The following ZNF804B variants were observed in gnomAD, a reference collection of about 807,000 sequenced individuals.
ZNF804B encodes the protein zinc finger 804B.
A neutral mutation model predicts 101.4 loss-of-function variants in ZNF804B; 80 were observed. That is an observed-to-expected ratio of 0.79 (90% CI 0.66 to 0.95). The LOEUF is 0.95. Ranked by LOEUF, ZNF804B falls within the 40% of genes least tolerant of loss-of-function variation. The pLI is 0.00. For missense variants in ZNF804B, 1,673 were observed against 1,561.9 expected (o/e 1.07, Z -1.20); for synonymous variants, 622 against 558.8 (o/e 1.11, Z -1.59).
At chr7:88,966,123 C>T (rs1167054690) in intron 1 of ZNF804B, among the ~76,000 whole-genome samples, 1 of 151,448 alleles carries the variant, frequency 6.6e-6, no homozygotes, top group Non-Finnish European at 1.5e-5. Context: ...CAGTAGCCCA[C>T]ATCTTTCCAG....
At chr7:88,819,020 A>G (rs1440713961) in intron 1 of ZNF804B, among the ~76,000 whole-genome samples, 1 of 152,218 alleles carries the variant, frequency 6.6e-6, no homozygotes, top group East Asian at 1.9e-4. Context: ...AAAAATACAG[A>G]TTATTTAAAT....
intron 1 of ZNF804B, among the ~76,000 whole-genome samples, chr7:88,907,039 T>C (rs1046866482): frequency 6.6e-6 from 1 of 152,186 alleles, no homozygotes. Flanking sequence ...TTTTATCTGA[T>C]ATAAGAATAG....
chr7:89,134,239 G>C (rs1790596631), intron 1 of ZNF804B, among the ~76,000 whole-genome samples: 1 of 152,056 alleles, frequency 6.6e-6, no homozygotes, highest in Admixed American at 6.6e-5. Context: ...GACTTTATCT[G>C]CTAAGTAACC....
At chr7:89,102,240 A>G (rs1049024858) in intron 1 of ZNF804B, among the ~76,000 whole-genome samples, 2 of 152,086 alleles carry the variant, frequency 1.3e-5, no homozygotes, top group Admixed American at 1.3e-4. Flanking sequence ...GTTCTTTGAG[A>G]TATTTCCAAA....
intron 1 of ZNF804B, among the ~76,000 whole-genome samples, chr7:89,142,464 G>T (rs746381499): frequency 6.6e-6 from 1 of 151,904 alleles, no homozygotes; most frequent in African/African-American, 2.4e-5. Flanking sequence ...TTTGCTCTTG[G>T]CAGATGTGGT....
chr7:89,221,258 G>T (rs73208840), intron 2 of ZNF804B, among the ~76,000 whole-genome samples: 1 of 151,806 alleles, frequency 6.6e-6, no homozygotes, highest in Non-Finnish European at 1.5e-5. Flanking sequence ...GATAGATTAC[G>T]TCTGTAAAGA....
At chr7:88,877,015 TATATATATATA>T (rs1314354720) in intron 1 of ZNF804B, among the ~76,000 whole-genome samples, 18 of 77,300 alleles carry the variant, frequency 2.3e-4, no homozygotes, top group African/African-American at 1.2e-3. Flanking sequence ...AAAATATATA[TATATATATATA>T]ATATATATAT....
At chr7:89,145,795 G>A (rs1584013970) in intron 1 of ZNF804B, among the ~76,000 whole-genome samples, 1 of 151,864 alleles carries the variant, frequency 6.6e-6, no homozygotes, top group African/African-American at 2.4e-5. Context: ...TTCTGGATCA[G>A]TGCACTAATC....
At position 89,333,906 on chromosome 7, in the gene ZNF804B, C is replaced by T. The variant is rs1028974235; in HGVS notation, c.924C>T (p.Asp308=). Residue 308 remains aspartate, a synonymous_variant, in exon 4 of 4, where the codon GAC becomes GAT. Transcript: ENST00000333190. ...INSKILQDKH[D]SIDETLEDSI... ...CTAAAATTTTGCAAGACAAACACGA[C>T]TCTATTGATGAGACACTAGAAGATT... 6.2e-7 allele frequency: 1 copy of T among 1,613,556 alleles called. No homozygotes were observed. Among genetic ancestry groups the T allele is most frequent in the East Asian group, 2.2e-5 (1 of 44,862 alleles).
intron 1 of ZNF804B, among the ~76,000 whole-genome samples, chr7:88,843,292 A>G (rs1357224930): frequency 1.3e-5 from 2 of 152,158 alleles, no homozygotes; most frequent in Non-Finnish European, 2.9e-5. Flanking sequence ...TAATATTCTC[A>G]TTTTATACAT....
At chr7:89,103,053 T>TTTTTTTTTTTTTTTTTTTTG in intron 1 of ZNF804B, among the ~76,000 whole-genome samples, 2 of 39,350 alleles carry the variant, frequency 5.1e-5, no homozygotes, top group African/African-American at 2.5e-4. Context: ...TGTCTGTTTT[T>TTTTTTTTTTTTTTTTTTTTG]TTTTTTTTTT....
At chr7:89,248,230 G>A (rs903582973) in intron 2 of ZNF804B, among the ~76,000 whole-genome samples, 2 of 151,986 alleles carry the variant, frequency 1.3e-5, no homozygotes, top group African/African-American at 4.8e-5. Context: ...CTACACAGTA[G>A]ACAGCAAGAT....
At chr7:88,813,218 G>A (rs1290046695) in intron 1 of ZNF804B, among the ~76,000 whole-genome samples, 1 of 152,010 alleles carries the variant, frequency 6.6e-6, no homozygotes, top group Non-Finnish European at 1.5e-5. Context: ...ATGAGGTCAT[G>A]AGATCGAGAC....
chr7:89,032,063 A>T (rs186551869), intron 1 of ZNF804B, among the ~76,000 whole-genome samples: 106 of 152,218 alleles, frequency 7.0e-4, no homozygotes, highest in African/African-American at 2.3e-3. Flanking sequence ...AGAATAAATG[A>T]TATATCAGCT....
At chr7:89,310,225 A>G (rs1226548329) in intron 2 of ZNF804B, among the ~76,000 whole-genome samples, 1 of 152,172 alleles carries the variant, frequency 6.6e-6, no homozygotes, top group Non-Finnish European at 1.5e-5. Flanking sequence ...GGAAACTGAA[A>G]ACTGGGAGAA....
intron 1 of ZNF804B, among the ~76,000 whole-genome samples, chr7:89,156,352 T>C (rs1584021563): frequency 6.6e-6 from 1 of 152,126 alleles, no homozygotes; most frequent in East Asian, 1.9e-4. Context: ...CGACCTCTGG[T>C]GATCCACCTG....
At chr7:89,151,476 A>C (rs187633831) in intron 1 of ZNF804B, among the ~76,000 whole-genome samples, 1 of 152,112 alleles carries the variant, frequency 6.6e-6, no homozygotes, top group Non-Finnish European at 1.5e-5. Flanking sequence ...TGACTTAATC[A>C]TCAACGTAGA....
chr7:89,168,714 C>G (rs2116430174), intron 1 of ZNF804B, among the ~76,000 whole-genome samples: 1 of 143,186 alleles, frequency 7.0e-6, no homozygotes, highest in Non-Finnish European at 1.5e-5. Flanking sequence ...TTGCACGGGC[C>G]TGCTCATGCT....
At chr7:89,319,513 G>C (rs942721807) in intron 2 of ZNF804B, among the ~76,000 whole-genome samples, 2 of 152,168 alleles carry the variant, frequency 1.3e-5, no homozygotes, top group African/African-American at 4.8e-5. Flanking sequence ...TGGTAGACAA[G>C]AGCACTGAGA....
Sources: allele counts gnomAD v4.1 joint callset (sites outside exome capture counted in the v4.1 genomes callset), GRCh38; gene constraint gnomAD v4.1.1; transcripts MANE v1.5; gene names NCBI Gene and HGNC (gene_info 2026-07-23, HGNC 2026-07-21).